SCLT1: variants seen among roughly 807,000 people sequenced by gnomAD.
The protein encoded by SCLT1 is sodium channel and clathrin linker 1, also known as sodium channel-associated protein 1.
In SCLT1, 78 loss-of-function variants were observed where a neutral mutation model predicts 112.8. The observed-to-expected ratio is 0.69, with a 90% CI of 0.58 to 0.83. The LOEUF (loss-of-function observed/expected upper bound fraction) is 0.83. Ranked by LOEUF, SCLT1 falls within the 40% of genes least tolerant of loss-of-function variation. SCLT1 has a pLI of 0.00. For synonymous variants in SCLT1, 257 were observed against 254.7 expected, an observed-to-expected ratio of 1.01 and a Z score of -0.09; for missense variants, 747 against 770.4, an observed-to-expected ratio of 0.97 and a Z score of 0.36.
chr4:128,999,805 AG>A lies in SCLT1; in HGVS notation c.427-12del, dbSNP rs201382880. On this transcript the variant is annotated splice_polypyrimidine_tract_variant and intron_variant, in intron 6 of 20. Transcript: ENST00000281142. Reference sequence around the variant, plus strand: ...AGCCTGAGTTTTTTCCTATTAAAAAAGTTTGATAACTCATTAAATTATCAGC... The same window carrying A: ...AGCCTGAGTTTTTTCCTATTAAAAAATTTGATAACTCATTAAATTATCAGC... The A allele has an allele frequency of 0.015, 24,043 of 1,587,900 alleles. 1,209 individuals are homozygous for A. In the East Asian group the frequency reaches 0.2, roughly 13 times the overall value.
chr4:128,943,272 G>T, intron 16 of SCLT1, 84 bp from the exon 17 acceptor site: 1 of 969,328 alleles, frequency 1.0e-6, no homozygotes, highest in Non-Finnish European at 1.5e-6. Context: ...TTTATCACAT[G>T]GACTTTTGTT....
chr4:128,956,254 C>T (rs1051322160), intron 13 of SCLT1, among the ~76,000 whole-genome samples: 3 of 151,942 alleles, frequency 2.0e-5, no homozygotes, highest in African/African-American at 7.2e-5. Context: ...TAGAGGAATG[C>T]TCATACCAAG....
chr4:128,948,697 T>A, intron 14 of SCLT1, 127 bp from the exon 15 acceptor site: 1 of 671,508 alleles, frequency 1.5e-6, no homozygotes, highest in Admixed American at 3.2e-5. Flanking sequence ...TTATATTGAT[T>A]AAAAACAAAA....
intron 2 of SCLT1, among the ~76,000 whole-genome samples, chr4:129,053,360 GTGTAAGTCTCTT>G (rs1260346833): frequency 6.6e-5 from 10 of 152,186 alleles, no homozygotes; most frequent in African/African-American, 2.4e-4. Flanking sequence ...TTGTGTGGGA[GTGTAAGTCTCTT>G]TGTAAGTCTC....
chr4:128,986,484 C>T (rs1365842455), intron 9 of SCLT1, among the ~76,000 whole-genome samples: 2 of 152,172 alleles, frequency 1.3e-5, no homozygotes, highest in African/African-American at 4.8e-5. Context: ...TACAGTGTGA[C>T]CAGCAGTGGC....
chr4:128,936,660 A>C lies in SCLT1; in HGVS notation c.1824T>G (p.Asn608Lys), dbSNP rs754913227. ...ACAACTAACAGTAGACTTACTTTAG[A>C]TTATTGATTCTAATTTCTGCACTTT... ...LTESAEIRIN[N>K]LKSELSRQKL... Residue 608 changes from asparagine (N) to lysine (K), a missense_variant, in exon 18 of 21, where the codon AAT (asparagine) becomes AAG (lysine). Coordinates refer to ENST00000281142, the MANE Select transcript of SCLT1 (RefSeq NM_144643.4). 6.3e-7 allele frequency: 1 copy of C among 1,584,292 alleles called. No individual in the cohort carries two copies. Among genetic ancestry groups the C allele is most frequent in the Non-Finnish European group, 8.6e-7 (1 of 1,163,862 alleles).
intron 2 of SCLT1, among the ~76,000 whole-genome samples, chr4:129,051,284 G>C (rs1292756566): frequency 1.5e-4 from 23 of 152,086 alleles, no homozygotes; most frequent in Admixed American, 1.5e-3. Context: ...TAGCTTGAGG[G>C]GAATAGCACT....
At chr4:128,929,933 C>A (rs923500728) in intron 18 of SCLT1, among the ~76,000 whole-genome samples, 1 of 151,964 alleles carries the variant, frequency 6.6e-6, no homozygotes, top group Admixed American at 6.6e-5. Flanking sequence ...AGTTCAAGAT[C>A]AAGGAATTTA....
intron 9 of SCLT1, among the ~76,000 whole-genome samples, chr4:128,977,181 T>C (rs1026545618): frequency 1.3e-5 from 2 of 152,204 alleles, no homozygotes; most frequent in Admixed American, 6.5e-5. Context: ...AGGGATTCTA[T>C]GCATTCATTC....
chr4:129,092,830 A>AT (rs1420434658), intron 1 of SCLT1, among the ~76,000 whole-genome samples: 3 of 152,234 alleles, frequency 2.0e-5, no homozygotes, highest in Non-Finnish European at 4.4e-5. Flanking sequence ...CGAGAGGAGC[A>AT]TAACAAACAT....
At chr4:128,915,629 G>C (rs112074872) in intron 18 of SCLT1, among the ~76,000 whole-genome samples, 409 of 152,244 alleles carry the variant, frequency 2.7e-3, no homozygotes, top group Middle Eastern at 0.01. Context: ...TCAAAAAGCT[G>C]AAATTCTACT....
intron 18 of SCLT1, among the ~76,000 whole-genome samples, chr4:128,931,257 A>G (rs1352721484): frequency 6.6e-6 from 1 of 152,142 alleles, no homozygotes; most frequent in Non-Finnish European, 1.5e-5. Flanking sequence ...AAAGCTAATA[A>G]TAAAATTACT....
chr4:128,891,272 A>G (rs2125924091), intron 18 of SCLT1, 135 bp from the exon 19 acceptor site: 1 of 638,970 alleles, frequency 1.6e-6, no homozygotes, highest in East Asian at 2.7e-5. Context: ...TTACTAATAG[A>G]CCATATCTCA....
chr4:129,070,369 G>A (rs1383125555), intron 2 of SCLT1, among the ~76,000 whole-genome samples: 4 of 151,862 alleles, frequency 2.6e-5, no homozygotes, highest in Non-Finnish European at 5.9e-5. Flanking sequence ...GAATTCTGCT[G>A]TGAATCCATC....
chr4:128,949,691 C>T (rs946305955), intron 14 of SCLT1, among the ~76,000 whole-genome samples: 1 of 151,934 alleles, frequency 6.6e-6, no homozygotes, highest in Non-Finnish European at 1.5e-5. Context: ...CATCCATGTC[C>T]CTACAAAGGA....
At chr4:128,942,752 T>A (rs557241650) in intron 17 of SCLT1, among the ~76,000 whole-genome samples, 1 of 152,152 alleles carries the variant, frequency 6.6e-6, no homozygotes, top group Non-Finnish European at 1.5e-5. Flanking sequence ...TTGGCAGGAA[T>A]ATCAGTATAT....
At chr4:128,992,878 T>C (rs1742695457) in intron 8 of SCLT1, among the ~76,000 whole-genome samples, 1 of 151,984 alleles carries the variant, frequency 6.6e-6, no homozygotes, top group African/African-American at 2.4e-5. Flanking sequence ...GTAGAAAAAC[T>C]TTTCCTAAGG....
At chr4:129,009,406 T>C (rs749934775) in intron 5 of SCLT1, among the ~76,000 whole-genome samples, 15 of 151,372 alleles carry the variant, frequency 9.9e-5, no homozygotes, top group Non-Finnish European at 2.1e-4. Context: ...CCCAGCTACT[T>C]GGGAGGCTGA....
intron 5 of SCLT1, among the ~76,000 whole-genome samples, chr4:129,022,147 C>T (rs1308312599): frequency 6.6e-6 from 1 of 152,148 alleles, no homozygotes; most frequent in East Asian, 1.9e-4. Flanking sequence ...AGCTCATCAG[C>T]CTCAAAAATC....
Sources: gnomAD v4.1 joint callset for allele counts (sites outside exome capture counted in the v4.1 genomes callset) on GRCh38, gnomAD v4.1.1 for gene constraint, MANE v1.5 for transcripts, NCBI Gene and HGNC (gene_info 2026-07-23, HGNC 2026-07-21) for gene names.